Variants in CYFIP1 observed in about 807,000 individuals in gnomAD.
CYFIP1 encodes cytoplasmic FMR1 interacting protein 1, also known as cytoplasmic FMR1-interacting protein 1.
Under a neutral mutation model 163.5 loss-of-function variants are expected in CYFIP1, and 58 were observed. The observed-to-expected ratio is 0.35, with a 90% CI of 0.29 to 0.44. The LOEUF (loss-of-function observed/expected upper bound fraction) is 0.44. CYFIP1 is among the 20% of genes least tolerant of loss of function. The pLI is 1.00. For synonymous variants in CYFIP1, 663 were observed against 660.7 expected (o/e 1.00, Z -0.05); for missense variants, 1,338 against 1,653.8 (o/e 0.81, Z 3.31).
In CYFIP1 at chr15:22,875,240, G is replaced by A. The variant is rs138063523; in HGVS notation, c.3074C>T (p.Ala1025Val). The A allele has an allele frequency of 2.1e-5, 34 of 1,613,982 alleles. No homozygotes were observed. Among genetic ancestry groups the A allele is most frequent in the South Asian group, 7.7e-5 (7 of 91,080 alleles). ...SLEEVCDLLH[A>V]APFQNILPRV... ...CGGCAAGATGTTCTGGAAAGGAGCC[G>A]CGTGCAGCAGGTCACACACTTCTTC... Residue 1025 changes from alanine (A) to valine (V), a missense_variant, in exon 27 of 31, where the codon GCG (alanine) becomes GTG (valine). Transcript: ENST00000617928.
chr15:22,953,093 C>G (rs1013100613), intron 1 of CYFIP1, among the ~76,000 whole-genome samples: 1 of 152,258 alleles, frequency 6.6e-6, no homozygotes, highest in African/African-American at 2.4e-5. Flanking sequence ...GTCCGTGCAT[C>G]TTCCATAGAT....
In CYFIP1 at chr15:22,944,955, G is replaced by A; in HGVS notation, c.208-16C>T. ...GCATCTCGTTCTGCAATGGAACACA[G>A]GGCAAATCAAAGGCAGGCGGGGGAA... On this transcript the variant is annotated splice_polypyrimidine_tract_variant and intron_variant, in intron 3 of 30. Transcript: ENST00000617928. 6.2e-7 allele frequency: 1 copy of A among 1,612,290 alleles called. No individual in the cohort carries two copies. The highest frequency in any genetic ancestry group is 8.5e-7 in the Non-Finnish European group (1 of 1,178,336).
intron 12 of CYFIP1, 145 bp downstream of exon 12, chr15:22,927,761 T>C: frequency 1.3e-6 from 1 of 776,056 alleles, no homozygotes; most frequent in Non-Finnish European, 1.9e-6. Context: ...TGAGATGTAC[T>C]TAAAATCACC....
chr15:22,896,428 C>T (rs552752017), intron 22 of CYFIP1, among the ~76,000 whole-genome samples: 6 of 152,118 alleles, frequency 3.9e-5, no homozygotes, highest in African/African-American at 9.6e-5. Context: ...TTCTGCCCCC[C>T]GACAACCTCT....
chr15:22,945,922 A>G (rs2062043662), intron 3 of CYFIP1, among the ~76,000 whole-genome samples: 1 of 152,180 alleles, frequency 6.6e-6, no homozygotes. Context: ...AGAGGAAGTC[A>G]ATGCGCAAAA....
intron 1 of CYFIP1, among the ~76,000 whole-genome samples, chr15:22,962,346 G>A (rs948611893): frequency 6.6e-5 from 10 of 151,840 alleles, no homozygotes; most frequent in Admixed American, 1.3e-4. Context: ...CCCAGGCATC[G>A]ATCCCCTGCT....
intron 26 of CYFIP1, 62 bp downstream of exon 26, chr15:22,879,851 G>C: frequency 7.5e-7 from 1 of 1,338,038 alleles, no homozygotes; most frequent in Non-Finnish European, 1.0e-6. Context: ...GCCCTCCCCT[G>C]GCCGGTGGGG....
At chr15:22,887,337 C>T (rs922456080) in intron 23 of CYFIP1, among the ~76,000 whole-genome samples, 7 of 152,114 alleles carry the variant, frequency 4.6e-5, no homozygotes, top group Non-Finnish European at 7.4e-5. Flanking sequence ...CCCTGCGGCC[C>T]GCTGCAACCT....
At chr15:22,963,672 C>T (rs1595718008) in intron 1 of CYFIP1, among the ~76,000 whole-genome samples, 1 of 152,172 alleles carries the variant, frequency 6.6e-6, no homozygotes, top group African/African-American at 2.4e-5. Context: ...TTGGTCGCCC[C>T]TCACTCCTAT....
At position 22,892,871 on chromosome 15, in the gene CYFIP1, C is replaced by T. The variant is rs753903596; in HGVS notation, c.2676+19G>A. The T allele has an allele frequency of 2.0e-5, 32 of 1,587,854 alleles. No individual in the cohort carries two copies. The highest frequency in any genetic ancestry group is 1.7e-4 in the Middle Eastern group (1 of 6,018). ...CATTATGAGCTTCAAGCTCGTAACA[C>T]GAACACATTGGAGCCTACCTTGGAT... On this transcript the variant is annotated intron_variant, in intron 23 of 30. Transcript: ENST00000617928.
chr15:22,904,007 GC>G, intron 21 of CYFIP1, 102 bp from the exon 22 acceptor site: 1 of 1,102,532 alleles, frequency 9.1e-7, no homozygotes, highest in South Asian at 1.4e-5. Context: ...CCCTGGCAGG[GC>G]TGCACGGAGG....
intron 13 of CYFIP1, among the ~76,000 whole-genome samples, chr15:22,922,626 C>T (rs954565938): frequency 3.3e-5 from 5 of 152,146 alleles, no homozygotes; most frequent in African/African-American, 7.2e-5. Flanking sequence ...CCTTGTCAAA[C>T]GCTGTATAAA....
At chr15:22,948,620 G>A (rs531066013) in intron 1 of CYFIP1, among the ~76,000 whole-genome samples, 1 of 152,268 alleles carries the variant, frequency 6.6e-6, no homozygotes, top group South Asian at 2.1e-4. Flanking sequence ...ATCAACAGAT[G>A]CCAAAATAAC....
intron 1 of CYFIP1, among the ~76,000 whole-genome samples, chr15:22,970,279 A>T (rs770502832): frequency 6.6e-6 from 1 of 152,180 alleles, no homozygotes. Flanking sequence ...AATATAAAAC[A>T]CTGCTGAAAG....
Position 22,917,625 on chromosome 15 carries a change from G to A in CYFIP1, c.1674+163C>T, listed in dbSNP as rs1444212882. The A allele has an allele frequency of 1.8e-5, 15 of 845,798 alleles. 1 individual carries two copies. In the East Asian group the frequency reaches 3.8e-4, roughly 22 times the overall value. The allele number at this position is 845,798 out of a possible 1,614,324, so 52.4% of individuals were successfully genotyped here. A position where few individuals can be genotyped will look rare whatever the true frequency, so the allele number is the denominator to read the frequency against. On this transcript the variant is annotated intron_variant, in intron 15 of 30. Coordinates refer to ENST00000617928, the MANE Select transcript of CYFIP1 (RefSeq NM_014608.6). This position sits in a 1 kb window ranked among gnomAD's most constrained non-coding sequence, Gnocchi z 4.2. Reference sequence around the variant, plus strand: ...GTCTCCTCACGCTCCCAACTCACTTGGGTGGGAAACAGAGGAGCAGCAGAA... The same window carrying A: ...GTCTCCTCACGCTCCCAACTCACTTAGGTGGGAAACAGAGGAGCAGCAGAA...
chr15:22,909,105 C>T, intron 21 of CYFIP1, 89 bp downstream of exon 21: 1 of 1,546,102 alleles, frequency 6.5e-7, no homozygotes, highest in Non-Finnish European at 8.9e-7. Flanking sequence ...ATAGGCCACG[C>T]CCGATGAGTG....
intron 22 of CYFIP1, among the ~76,000 whole-genome samples, chr15:22,893,953 C>A (rs1055334205): frequency 1.6e-4 from 24 of 152,178 alleles, no homozygotes; most frequent in African/African-American, 4.8e-4. Context: ...GTGTTCTTAA[C>A]ACCCGTTCCA....
At position 22,943,225 on chromosome 15, in the gene CYFIP1, C is replaced by A; in HGVS notation, c.517G>T (p.Glu173Ter). 1 of 1,614,228 alleles carries A rather than the reference C, an allele frequency of 6.2e-7. No homozygotes were observed. The highest frequency in any genetic ancestry group is 1.1e-5 in the South Asian group (1 of 91,088). ...ACACTGCACTTCATGTTCTTCAGCT[C>A]GTCCAGCACAGCGAACATGTTGATG... ...KFINMFAVLDELKNMKCSVKN... is the reference protein window; with the variant it reads ...KFINMFAVLD The change falls in exon 6 of 31, where the codon GAG becomes TAG. Residue 173 changes from glutamate (E) to a stop codon, truncating the protein, a stop_gained. Transcript: ENST00000617928. LOFTEE classifies it high-confidence loss of function.
intron 1 of CYFIP1, among the ~76,000 whole-genome samples, chr15:22,948,350 A>G (rs535663757): frequency 6.6e-6 from 1 of 152,320 alleles, no homozygotes; most frequent in Non-Finnish European, 1.5e-5. Context: ...CACCAGCGGC[A>G]CACAGGGGGC....
Sources: gnomAD v4.1 joint callset for allele counts (sites outside exome capture counted in the v4.1 genomes callset) on GRCh38, gnomAD v4.1.1 for gene constraint, Gnocchi (gnomAD v3.1) non-coding constraint, MANE v1.5 for transcripts, NCBI Gene and HGNC (gene_info 2026-07-23, HGNC 2026-07-21) for gene names.